Variants in BCL2 observed in about 807,000 individuals in gnomAD.
The protein encoded by BCL2 is BCL2 apoptosis regulator.
A neutral mutation model predicts 14.2 loss-of-function variants in BCL2; 1 was observed. The observed-to-expected ratio is 0.07, with a 90% CI of 0.02 to 0.33. The LOEUF is 0.33. BCL2 is among the 10% of genes least tolerant of loss of function. The probability of loss-of-function intolerance (pLI) is 0.99; values close to 1 mark genes in which losing one functional copy is unlikely to be tolerated. For synonymous variants in BCL2, 151 were observed against 137.2 expected (o/e 1.10, Z -0.70); for missense variants, 247 against 305.9 (o/e 0.81, Z 1.44).
intron 2 of BCL2, among the ~76,000 whole-genome samples, chr18:63,163,423 AT>A (rs1311442470): frequency 3.7e-4 from 56 of 152,276 alleles, no homozygotes; most frequent in Non-Finnish European, 7.5e-4. Context: ...GGTATCACAT[AT>A]TTCACTCCTA....
intron 2 of BCL2, among the ~76,000 whole-genome samples, chr18:63,287,314 A>G (rs1912503952): frequency 6.6e-6 from 1 of 152,188 alleles, no homozygotes; most frequent in Admixed American, 6.5e-5. Flanking sequence ...GCTTGGAGAA[A>G]CTAAGTGTTT....
At chr18:63,307,384 C>G (rs1044297330) in intron 2 of BCL2, among the ~76,000 whole-genome samples, 8 of 152,194 alleles carry the variant, frequency 5.3e-5, no homozygotes, top group African/African-American at 1.9e-4. Context: ...ATTAAATGTT[C>G]ACATTAACCA....
chr18:63,190,819 A>G (rs1472381470), intron 2 of BCL2, among the ~76,000 whole-genome samples: 1 of 151,996 alleles, frequency 6.6e-6, no homozygotes, highest in Non-Finnish European at 1.5e-5. Flanking sequence ...ATTAAGCCCC[A>G]CATGCATTAG....
intron 2 of BCL2, among the ~76,000 whole-genome samples, chr18:63,147,667 C>G (rs190529896): frequency 1.6e-3 from 248 of 152,252 alleles, no homozygotes; most frequent in African/African-American, 5.7e-3. Context: ...TCCGACAGCT[C>G]AAATGGCATG....
At chr18:63,294,923 G>A (rs1912758184) in intron 2 of BCL2, among the ~76,000 whole-genome samples, 1 of 151,872 alleles carries the variant, frequency 6.6e-6, no homozygotes, top group African/African-American at 2.4e-5. Flanking sequence ...AACTTTGGGA[G>A]GCCAAGGTGG....
intron 2 of BCL2, among the ~76,000 whole-genome samples, chr18:63,147,326 T>C (rs745308578): frequency 2.0e-5 from 3 of 152,198 alleles, no homozygotes; most frequent in Admixed American, 6.5e-5. Context: ...CGTTTTATGT[T>C]TGTGCATCAA....
At chr18:63,212,090 G>A (rs912152040) in intron 2 of BCL2, among the ~76,000 whole-genome samples, 1 of 152,124 alleles carries the variant, frequency 6.6e-6, no homozygotes, top group Non-Finnish European at 1.5e-5. Flanking sequence ...CACTTTGGGA[G>A]GCTGAGGCAG....
chr18:63,220,819 GAAAAAAA>G (rs71162607), intron 2 of BCL2, among the ~76,000 whole-genome samples: 1 of 137,704 alleles, frequency 7.3e-6, no homozygotes, highest in African/African-American at 2.7e-5. Flanking sequence ...TCTTCAAGGA[GAAAAAAA>G]AAAAGGCGTT....
chr18:63,309,962 A>C (rs2144303006), intron 2 of BCL2, among the ~76,000 whole-genome samples: 1 of 152,220 alleles, frequency 6.6e-6, no homozygotes, highest in East Asian at 1.9e-4. Context: ...TCCTGGGTTC[A>C]AGCAATTCTC....
intron 2 of BCL2, among the ~76,000 whole-genome samples, chr18:63,166,371 G>C (rs915089253): frequency 6.6e-6 from 1 of 152,182 alleles, no homozygotes; most frequent in Non-Finnish European, 1.5e-5. Flanking sequence ...GACCCTGGAC[G>C]GGGCAGGGAC....
intron 2 of BCL2, among the ~76,000 whole-genome samples, chr18:63,173,427 G>A (rs1232904432): frequency 1.3e-5 from 2 of 152,050 alleles, no homozygotes; most frequent in African/African-American, 2.4e-5. Context: ...TTTTTCCCTG[G>A]TGTTTTTGAA....
At chr18:63,294,927 A>G (rs931716463) in intron 2 of BCL2, among the ~76,000 whole-genome samples, 10 of 151,870 alleles carry the variant, frequency 6.6e-5, no homozygotes, top group Non-Finnish European at 1.2e-4. Context: ...TTGGGAGGCC[A>G]AGGTGGGTGG....
At chr18:63,169,383 CTT>C (rs1568222756) in intron 2 of BCL2, among the ~76,000 whole-genome samples, 10 of 114,346 alleles carry the variant, frequency 8.7e-5, no homozygotes, top group East Asian at 3.0e-4. Context: ...TTCTTTCTTT[CTT>C]TCTTTTTCTT....
intron 2 of BCL2, among the ~76,000 whole-genome samples, chr18:63,219,164 T>C (rs1286438930): frequency 6.6e-6 from 1 of 152,220 alleles, no homozygotes; most frequent in African/African-American, 2.4e-5. Context: ...TTTCTGATTC[T>C]CCAAATATGG....
At chr18:63,290,131 T>A (rs1426887377) in intron 2 of BCL2, among the ~76,000 whole-genome samples, 1 of 152,078 alleles carries the variant, frequency 6.6e-6, no homozygotes, top group Non-Finnish European at 1.5e-5. Context: ...GGAATAGTGA[T>A]GAGAGCAGGA....
At chr18:63,220,793 T>C (rs1361804611) in intron 2 of BCL2, among the ~76,000 whole-genome samples, 2 of 151,336 alleles carry the variant, frequency 1.3e-5, no homozygotes, top group South Asian at 2.1e-4. Flanking sequence ...CGGTAGGTGA[T>C]GGATCCTGAA....
In BCL2 at chr18:63,169,369, C is replaced by CTTTCTTTCTCTT. The variant is rs372286465; in HGVS notation, c.586-40611_586-40610insAAGAGAAAGAAA. Among the ~76,000 whole-genome samples the CTTTCTTTCTCTT allele has an allele frequency of 7.6e-4, 53 of 69,546 alleles. 10 individuals carry two copies. Among genetic ancestry groups the CTTTCTTTCTCTT allele is most frequent in the African/African-American group, 4.4e-3 (45 of 10,122 alleles). The allele number at this position is 69,546 out of a possible 152,430, so 45.6% of individuals were successfully genotyped here. A position where few individuals can be genotyped will look rare whatever the true frequency, so the allele number is the denominator to read the frequency against. On this transcript the variant is annotated intron_variant, in intron 2 of 2. Transcript: ENST00000333681. ...TCTTTCTTTCTTTCTTTCTTTCTTT[C>CTTTCTTTCTCTT]TCTTTCTTTCTTTCTTTCTTTTTCT... is the stretch of plus-strand genomic sequence containing the variant.
intron 2 of BCL2, among the ~76,000 whole-genome samples, chr18:63,169,296 CTT>C (rs879523146): frequency 2.4e-5 from 2 of 84,326 alleles, no homozygotes; most frequent in East Asian, 4.1e-4. Context: ...TTCTTTCTTT[CTT>C]TCTTTCTTTC....
intron 2 of BCL2, among the ~76,000 whole-genome samples, chr18:63,231,461 G>A (rs1007059272): frequency 6.6e-6 from 1 of 152,000 alleles, no homozygotes; most frequent in Non-Finnish European, 1.5e-5. Context: ...GATAATCCAT[G>A]AGAAACTATG....
Sources: allele counts gnomAD v4.1 joint callset (sites outside exome capture counted in the v4.1 genomes callset), GRCh38; gene constraint gnomAD v4.1.1; transcripts MANE v1.5; gene names NCBI Gene and HGNC (gene_info 2026-07-23, HGNC 2026-07-21).